The following ZNF726 variants were observed in gnomAD, a reference collection of about 807,000 sequenced individuals.
ZNF726 encodes the protein zinc finger protein 726.
ZNF726 carries 15 observed loss-of-function variants against 11.6 expected under a neutral mutation model. The observed-to-expected ratio is 1.29, with a 90% CI of 0.86 to 1.99. ZNF726 has a LOEUF of 1.99. Among genes scored for constraint, ZNF726 ranks in the 30% most tolerant of loss-of-function variants. The pLI is 0.00. For missense variants in ZNF726, 890 were observed against 725.6 expected, an observed-to-expected ratio of 1.23 and a Z score of -2.60; for synonymous variants, 295 against 243.6, an observed-to-expected ratio of 1.21 and a Z score of -1.96.
downstream of ZNF726, among the ~76,000 whole-genome samples, chr19:23,937,829 C>T (rs867955277): frequency 6.6e-5 from 10 of 152,206 alleles, no homozygotes; most frequent in Non-Finnish European, 1.0e-4. Flanking sequence ...GCCGAGATCA[C>T]GCCACTGCAC....
In ZNF726 at chr19:23,934,177, C is replaced by A; in HGVS notation, c.*210C>A. 1.2e-6 allele frequency: 1 copy of A among 819,470 alleles called. No homozygotes were observed. Among genetic ancestry groups the A allele is most frequent in the South Asian group, 1.4e-5 (1 of 71,158 alleles). The allele number at this position is 819,470 out of a possible 1,614,324, so 50.8% of individuals were successfully genotyped here. ...ATGTGGGAAAGCTTTTAATCATTCT[C>A]AAATCTTACTACACATAAGATAATT... On this transcript the variant is annotated 3_prime_UTR_variant, in exon 4 of 4. Transcript: ENST00000594466.
chr19:23,933,607 T>C lies in ZNF726; in HGVS notation c.1491T>C (p.Thr497=), dbSNP rs775442595. ...GKAFSQSSTL[T]AHKIIHTGEK... ...CTTTTAGCCAGTCCTCAACCCTTAC[T>C]GCACATAAGATAATTCATACTGGAG... Residue 497 remains threonine (T), a synonymous_variant, in exon 4 of 4, where the codon ACT becomes ACC. Coordinates refer to ENST00000594466, the MANE Select transcript of ZNF726 (RefSeq NM_001244038.2). 1 of 1,611,676 alleles carries C rather than the reference T, an allele frequency of 6.2e-7. No homozygotes were observed. Among genetic ancestry groups the C allele is most frequent in the South Asian group, 1.1e-5 (1 of 91,036 alleles).
chr19:23,935,304 G>T, downstream of ZNF726: 1 of 514,006 alleles, frequency 1.9e-6, no homozygotes, highest in South Asian at 1.4e-5. Context: ...CAAATGTGAA[G>T]AATGTGGCAA....
intron 3 of ZNF726, among the ~76,000 whole-genome samples, chr19:23,930,168 AT>A (rs1469560263): frequency 6.6e-6 from 1 of 152,094 alleles, no homozygotes; most frequent in Non-Finnish European, 1.5e-5. Context: ...GGATTTTTTA[AT>A]TTTCATCTTT....
At position 23,934,338 on chromosome 19, in the gene ZNF726, C is replaced by A; in HGVS notation, c.*371C>A. ...GAATGTGGCAAAGCCTTTAAATGTT[C>A]CTCAACTGTTACTGAACATAAAGTA... On this transcript the variant is annotated 3_prime_UTR_variant, in exon 4 of 4. Coordinates refer to ENST00000594466, the MANE Select transcript of ZNF726 (RefSeq NM_001244038.2). 3.5e-6 allele frequency: 2 copies of A among 565,712 alleles called. No homozygotes were observed. Among genetic ancestry groups the A allele is most frequent in the South Asian group, 2.9e-5 (2 of 69,526 alleles). The allele number at this position is 565,712 out of a possible 1,614,324, so 35.0% of individuals were successfully genotyped here.
intron 3 of ZNF726, among the ~76,000 whole-genome samples, chr19:23,941,809 G>T (rs1262760913): frequency 1.3e-5 from 2 of 152,020 alleles, no homozygotes; most frequent in African/African-American, 2.4e-5. Context: ...AGTGGTGTCA[G>T]TTATAATATC....
intron 3 of ZNF726, chr19:23,929,045 A>G (rs913852956): frequency 2.6e-5 from 4 of 152,036 alleles, no homozygotes; most frequent in African/African-American, 9.7e-5. Context: ...TGATCAGCCC[A>G]TCTTAACCTC....
intron 3 of ZNF726, 68 bp from the exon 4 acceptor site, chr19:23,932,274 AG>A: frequency 1.8e-6 from 2 of 1,134,356 alleles, no homozygotes; most frequent in Non-Finnish European, 2.3e-6. Context: ...ATAATTTTAT[AG>A]GTAAGATTTT....
intron 3 of ZNF726, among the ~76,000 whole-genome samples, chr19:23,924,840 C>G (rs1167104915): frequency 6.6e-6 from 1 of 151,812 alleles, no homozygotes; most frequent in Non-Finnish European, 1.5e-5. Flanking sequence ...TGCAGTGAGC[C>G]ATAATTGTCC....
At chr19:23,931,406 T>A (rs1968102469) in intron 3 of ZNF726, among the ~76,000 whole-genome samples, 1 of 152,212 alleles carries the variant, frequency 6.6e-6, no homozygotes, top group African/African-American at 2.4e-5. Context: ...CTCGTCCTCA[T>A]TTTTGTGATT....
At chr19:23,942,537 G>A (rs1470996747) in intron 3 of ZNF726, among the ~76,000 whole-genome samples, 1 of 152,120 alleles carries the variant, frequency 6.6e-6, no homozygotes, top group Non-Finnish European at 1.5e-5. Context: ...TTAATGATCT[G>A]TCTAGTGCTG....
At chr19:23,919,252 A>C in intron 1 of ZNF726, 121 bp from the exon 2 acceptor site, 2 of 1,457,848 alleles carry the variant, frequency 1.4e-6, no homozygotes, top group Non-Finnish European at 1.8e-6. Flanking sequence ...TTATTGGATA[A>C]TTTCAGTCCC....
In ZNF726 at chr19:23,943,847, G is replaced by C. The variant is rs1968376916; in HGVS notation, c.322+258G>C. 4.5e-5 allele frequency: 13 copies of C among 288,808 alleles called. No individual in the cohort carries two copies. In the South Asian group the frequency reaches 1.8e-3, roughly 40 times the overall value. The allele number at this position is 288,808 out of a possible 1,614,324, so 17.9% of individuals were successfully genotyped here. A position where few individuals can be genotyped will look rare whatever the true frequency, so the allele number is the denominator to read the frequency against. The stretch of plus-strand genomic sequence containing the variant: ...TAAACTCCTCTTTATGGCTTATAAG[G>C]TACTGCATGATATACCTGCTCTTCC... On this transcript the variant is annotated intron_variant, in intron 4 of 4. Coordinates refer to the ZNF726 transcript ENST00000334589.
At chr19:23,942,997 G>A (rs1386737621) in intron 3 of ZNF726, among the ~76,000 whole-genome samples, 3 of 152,076 alleles carry the variant, frequency 2.0e-5, no homozygotes, top group Non-Finnish European at 4.4e-5. Context: ...GCTCTTTGTT[G>A]TCTGCATACT....
chr19:23,936,153 AAT>A (rs1297572180), downstream of ZNF726: 1 of 152,226 alleles, frequency 6.6e-6, no homozygotes, highest in Non-Finnish European at 1.5e-5. Context: ...TTCATACTAA[AAT>A]ATATTTTTGC....
At chr19:23,923,970 A>C (rs769769011) in intron 3 of ZNF726, 2 of 152,006 alleles carry the variant, frequency 1.3e-5, no homozygotes, top group Non-Finnish European at 2.9e-5. Context: ...GTCAAATTAT[A>C]TATATGTGTG....
chr19:23,917,952 C>G (rs1967744913), intron 1 of ZNF726, among the ~76,000 whole-genome samples: 2 of 152,208 alleles, frequency 1.3e-5, no homozygotes, highest in Admixed American at 1.3e-4. Flanking sequence ...TTTATTACCT[C>G]TAAGCAGCTT....
chr19:23,935,322 T>C (rs1224260676), downstream of ZNF726: 1 of 522,504 alleles, frequency 1.9e-6, no homozygotes, highest in South Asian at 1.4e-5. Flanking sequence ...CAAAGTGTTT[T>C]TCTGGTCCTC....
intron 3 of ZNF726, among the ~76,000 whole-genome samples, chr19:23,925,280 T>C (rs1375199564): frequency 6.6e-6 from 1 of 152,206 alleles, no homozygotes; most frequent in Admixed American, 6.5e-5. Context: ...TATTTAATAA[T>C]TTATATTATT....
Sources: gnomAD v4.1 joint callset for allele counts (sites outside exome capture counted in the v4.1 genomes callset) on GRCh38, gnomAD v4.1.1 for gene constraint, MANE v1.5 for transcripts, NCBI Gene and HGNC (gene_info 2026-07-23, HGNC 2026-07-21) for gene names.